Variants in CPNE4 observed in about 807,000 individuals in gnomAD.
The protein encoded by CPNE4 is copine-4.
Under a neutral mutation model 67.9 loss-of-function variants are expected in CPNE4, and 25 were observed. The ratio of observed to expected loss-of-function variants is 0.37; its 90% CI spans 0.27 to 0.51. The LOEUF (loss-of-function observed/expected upper bound fraction) is 0.51, where lower values mean the gene tolerates loss of function less well. Ranked by LOEUF, CPNE4 falls within the 20% of genes least tolerant of loss-of-function variation. The pLI is 0.93. For missense variants in CPNE4, 464 were observed against 690.8 expected, an observed-to-expected ratio of 0.67 and a Z score of 3.68; for synonymous variants, 242 against 244.9, an observed-to-expected ratio of 0.99 and a Z score of 0.11.
At chr3:131,771,061 C>T (rs1051349812) in intron 2 of CPNE4, among the ~76,000 whole-genome samples, 1 of 152,114 alleles carries the variant, frequency 6.6e-6, no homozygotes. Flanking sequence ...TTTATATATG[C>T]CTATTTGTTA....
intron 1 of CPNE4, among the ~76,000 whole-genome samples, chr3:131,978,182 TA>T: frequency 1.6e-5 from 1 of 62,868 alleles, no homozygotes; most frequent in African/African-American, 9.3e-5. Context: ...TGTAAATATA[TA>T]TAATATATTT....
intron 2 of CPNE4, among the ~76,000 whole-genome samples, chr3:131,843,703 G>C (rs1027981306): frequency 3.3e-5 from 5 of 152,154 alleles, no homozygotes; most frequent in Admixed American, 6.5e-5. Flanking sequence ...TGCTAAGTGG[G>C]AACAAGGAGA....
At chr3:131,579,162 A>G (rs1006347902) in intron 9 of CPNE4, among the ~76,000 whole-genome samples, 8 of 152,166 alleles carry the variant, frequency 5.3e-5, no homozygotes, top group African/African-American at 1.9e-4. Context: ...TTCATTTACC[A>G]TTTCAAAAAT....
chr3:131,656,365 A>C lies in CPNE4; in HGVS notation c.681+13310T>G, dbSNP rs548940148. 1.1e-4 allele frequency among the ~76,000 whole-genome samples: 16 copies of C among 152,336 alleles called. 1 individual carries two copies. In the South Asian group the frequency reaches 3.3e-3, roughly 32 times the overall value. The stretch of plus-strand genomic sequence containing the variant: ...AGGTCATAACTGATGTGATGGAAAC[A>C]TTAACCTAATTAACCTAATCACTAG... On this transcript the variant is annotated intron_variant, in intron 7 of 15. Transcript: ENST00000429747.
At chr3:131,962,733 T>TAA (rs35814855) in intron 1 of CPNE4, among the ~76,000 whole-genome samples, 5,394 of 150,154 alleles carry the variant, frequency 0.036, 156 homozygotes, top group African/African-American at 0.074. Flanking sequence ...CAGAAACAGT[T>TAA]AAAAAAAAAA....
intron 2 of CPNE4, among the ~76,000 whole-genome samples, chr3:131,892,841 G>C (rs984513535): frequency 1.8e-4 from 27 of 151,494 alleles, no homozygotes; most frequent in African/African-American, 2.4e-5. Context: ...AAACAAATGA[G>C]AAAGAGAATG....
At chr3:132,014,846 C>T (rs192972651) in intron 1 of CPNE4, among the ~76,000 whole-genome samples, 2 of 152,116 alleles carry the variant, frequency 1.3e-5, no homozygotes, top group South Asian at 2.1e-4. Context: ...AGGAGAAAGT[C>T]GTGTGGAAAA....
At chr3:131,966,731 T>C (rs570786222) in intron 1 of CPNE4, among the ~76,000 whole-genome samples, 1 of 152,234 alleles carries the variant, frequency 6.6e-6, no homozygotes, top group South Asian at 2.1e-4. Flanking sequence ...CAGTAATTAA[T>C]AGACTACCAA....
chr3:131,613,837 C>A (rs749950243), intron 7 of CPNE4, among the ~76,000 whole-genome samples: 5 of 152,178 alleles, frequency 3.3e-5, no homozygotes, highest in Non-Finnish European at 7.3e-5. Context: ...TAATTGATGG[C>A]ATCCAATTCA....
chr3:131,792,623 A>ATATATATACACACGTGTATATATG lies in CPNE4; in HGVS notation c.181-69022_181-68999dup, dbSNP rs1450742830. Reference sequence around the variant, plus strand: ...TATATGTGTGTGTGTATATATGTATATATATATACACACGTGTATATATGT... The same window carrying ATATATATACACACGTGTATATATG: ...TATATGTGTGTGTGTATATATGTATATATATATACACACGTGTATATATGTATATATACACACGTGTATATATGT... On this transcript the variant is annotated intron_variant, in intron 2 of 15. Coordinates refer to ENST00000429747, the MANE Select transcript of CPNE4 (RefSeq NM_130808.3). Among the ~76,000 whole-genome samples, 15 of 76,048 alleles carry ATATATATACACACGTGTATATATG rather than the reference A, an allele frequency of 2.0e-4. 1 individual carries two copies. The highest frequency in any genetic ancestry group is 3.4e-4 in the African/African-American group (7 of 20,432). The allele number at this position is 76,048 out of a possible 152,430, so 49.9% of individuals were successfully genotyped here.
chr3:131,549,825 T>C (rs1936074041), intron 14 of CPNE4, 122 bp downstream of exon 14: 1 of 1,135,318 alleles, frequency 8.8e-7, no homozygotes. Flanking sequence ...GTTAAGTCAT[T>C]TGTCCAAATT....
chr3:131,568,793 C>G (rs970616358), intron 10 of CPNE4, among the ~76,000 whole-genome samples: 3 of 151,996 alleles, frequency 2.0e-5, no homozygotes, highest in Non-Finnish European at 4.4e-5. Flanking sequence ...TGAAACAACC[C>G]CACTCCTCAG....
intron 1 of CPNE4, among the ~76,000 whole-genome samples, chr3:131,969,449 G>C (rs2072445796): frequency 6.6e-6 from 1 of 152,042 alleles, no homozygotes; most frequent in Admixed American, 6.5e-5. Context: ...CTTAAGAGAT[G>C]CATATGTATT....
At chr3:131,725,666 G>A (rs1350884220) in intron 2 of CPNE4, among the ~76,000 whole-genome samples, 1 of 152,182 alleles carries the variant, frequency 6.6e-6, no homozygotes, top group East Asian at 1.9e-4. Flanking sequence ...AGAAATTAGA[G>A]ATCATAAACT....
At chr3:131,842,744 A>AG (rs1560444357) in intron 2 of CPNE4, among the ~76,000 whole-genome samples, 118 of 150,810 alleles carry the variant, frequency 7.8e-4, no homozygotes, top group African/African-American at 2.3e-3. Context: ...AAAAAAAAAA[A>AG]AAAAAGAAAA....
chr3:131,844,575 G>A (rs941417500), intron 2 of CPNE4, among the ~76,000 whole-genome samples: 1 of 152,138 alleles, frequency 6.6e-6, no homozygotes, highest in African/African-American at 2.4e-5. Flanking sequence ...GTTCTTATAT[G>A]CAATGTTTTC....
In CPNE4 at chr3:131,842,730, T is replaced by TA. The variant is rs3041527; in HGVS notation, c.180+62533dup. ...CTCAGAAGCAAGTTATATTCTGTTG[T>TA]AAAAAAAAAAAAAAAAAAAGAAAAA... On this transcript the variant is annotated intron_variant, in intron 2 of 15. Transcript: ENST00000429747. Among the ~76,000 whole-genome samples the TA allele has an allele frequency of 4.1e-3, 501 of 121,836 alleles. 2 individuals carry two copies. The highest frequency in any genetic ancestry group is 0.013 in the African/African-American group (387 of 30,652). 79.9% of individuals were successfully genotyped at this position (121,836 alleles called of 152,430 possible).
rs76555220 is a variant in CPNE4 at position 131,763,500 on chromosome 3, T to C, written c.181-39875A>G. Among the ~76,000 whole-genome samples, 523 of 152,244 alleles carry C rather than the reference T, an allele frequency of 3.4e-3. 8 individuals carry two copies. In the East Asian group the frequency reaches 0.059, roughly 17 times the overall value. On this transcript the variant is annotated intron_variant, in intron 2 of 15. Coordinates refer to ENST00000429747, the MANE Select transcript of CPNE4 (RefSeq NM_130808.3). The stretch of plus-strand genomic sequence containing the variant: ...TCATTTTTCACTTTAACATAGCACA[T>C]AAGTGGCTAATGTTCCCTGGCATAG...
At chr3:131,814,706 G>A (rs553273590) in intron 2 of CPNE4, among the ~76,000 whole-genome samples, 2,703 of 127,864 alleles carry the variant, frequency 0.021, 316 homozygotes, top group African/African-American at 0.086. Flanking sequence ...CCGGGTTCAC[G>A]CCATTCTCCT....
Sources: allele counts gnomAD v4.1 joint callset (sites outside exome capture counted in the v4.1 genomes callset), GRCh38; gene constraint gnomAD v4.1.1; transcripts MANE v1.5; gene names NCBI Gene and HGNC (gene_info 2026-07-23, HGNC 2026-07-21).